The following PTPRM variants were observed in gnomAD, a reference collection of about 807,000 sequenced individuals.
The protein encoded by PTPRM is receptor-type tyrosine-protein phosphatase mu.
In PTPRM, 47 loss-of-function variants were observed where a neutral mutation model predicts 186.7. The observed-to-expected ratio is 0.25, with a 90% CI of 0.20 to 0.32. The LOEUF is 0.32. Ranked by LOEUF, PTPRM falls within the 10% of genes least tolerant of loss-of-function variation. The pLI is 1.00. For missense variants in PTPRM, 1,494 were observed against 1,865.0 expected, an observed-to-expected ratio of 0.80 and a Z score of 3.66; for synonymous variants, 668 against 674.9, an observed-to-expected ratio of 0.99 and a Z score of 0.16.
chr18:7,833,183 A>G (rs1488492484), intron 2 of PTPRM, among the ~76,000 whole-genome samples: 1 of 152,076 alleles, frequency 6.6e-6, no homozygotes, highest in Non-Finnish European at 1.5e-5. Context: ...TAAGGTTTGC[A>G]TTGAATCTGT....
At chr18:7,691,464 G>A (rs1286427632) in intron 1 of PTPRM, among the ~76,000 whole-genome samples, 1 of 152,152 alleles carries the variant, frequency 6.6e-6, no homozygotes, top group Non-Finnish European at 1.5e-5. Context: ...AGTGGAGTAT[G>A]AAAACTGACT....
rs936188183 is a variant in PTPRM, at chr18:7,706,622, A to C, written c.74-67527A>C. ...GTCTCAAAAAAAAAAAAAAAAAAAA[A>C]AAAAAAAACAACAAAATGTGCCTGT... is the stretch of plus-strand genomic sequence containing the variant. On this transcript the variant is annotated intron_variant, in intron 1 of 32. Transcript: ENST00000580170. Among the ~76,000 whole-genome samples, 5 of 150,028 alleles carry C rather than the reference A, an allele frequency of 3.3e-5. No homozygotes were observed. The East Asian group carries it at 7.8e-4, about 23-fold the overall frequency.
chr18:7,817,463 T>G (rs375466355), intron 2 of PTPRM, among the ~76,000 whole-genome samples: 1 of 152,226 alleles, frequency 6.6e-6, no homozygotes, highest in Non-Finnish European at 1.5e-5. Flanking sequence ...TTGGGGTTAT[T>G]ATTGTACTAC....
chr18:7,988,980 C>T (rs1180155713), intron 7 of PTPRM, among the ~76,000 whole-genome samples: 1 of 152,110 alleles, frequency 6.6e-6, no homozygotes, highest in African/African-American at 2.4e-5. Context: ...TGGGGAAAAT[C>T]ATCTATAGAG....
chr18:7,890,144 T>A (rs1206272901), intron 3 of PTPRM, among the ~76,000 whole-genome samples: 1 of 152,234 alleles, frequency 6.6e-6, no homozygotes, highest in Non-Finnish European at 1.5e-5. Context: ...ACTCAATTAA[T>A]GGCCAACTAC....
At chr18:7,940,589 T>C (rs1358124779) in intron 5 of PTPRM, among the ~76,000 whole-genome samples, 3 of 151,504 alleles carry the variant, frequency 2.0e-5, no homozygotes, top group Admixed American at 6.6e-5. Flanking sequence ...CAGCCAGGAG[T>C]CCACATGGTG....
At chr18:7,882,436 C>T (rs1428357388) in intron 2 of PTPRM, among the ~76,000 whole-genome samples, 2 of 152,014 alleles carry the variant, frequency 1.3e-5, no homozygotes, top group Non-Finnish European at 2.9e-5. Context: ...CAAATAACCC[C>T]ATAAACTAGA....
intron 20 of PTPRM, among the ~76,000 whole-genome samples, chr18:8,307,429 C>T (rs150438821): frequency 4.9e-4 from 75 of 152,316 alleles, no homozygotes; most frequent in African/African-American, 1.7e-3. Flanking sequence ...GGTGGATTCA[C>T]TTATCAGTGT....
chr18:7,755,014 C>A (rs1235364834), intron 1 of PTPRM: 1 of 152,250 alleles, frequency 6.6e-6, no homozygotes, highest in Non-Finnish European at 1.5e-5. Context: ...CTTCAGGCTC[C>A]TGCCGGAGCA....
intron 23 of PTPRM, chr18:8,366,991 G>T (rs1303880997): frequency 6.6e-6 from 1 of 152,272 alleles, no homozygotes; most frequent in East Asian, 1.9e-4. Flanking sequence ...GCTCCAACGG[G>T]CACCTCCAAA....
intron 7 of PTPRM, among the ~76,000 whole-genome samples, chr18:8,041,456 G>A (rs1410947793): frequency 2.5e-5 from 3 of 121,370 alleles, no homozygotes; most frequent in Non-Finnish European, 3.5e-5. Context: ...GATGCACCAT[G>A]TGTGACCAAA....
intron 7 of PTPRM, among the ~76,000 whole-genome samples, chr18:8,001,933 A>G (rs537402699): frequency 1.3e-5 from 2 of 152,196 alleles, no homozygotes; most frequent in East Asian, 1.9e-4. Context: ...TGTGTGTCAT[A>G]ATTGATGTTT....
At chr18:7,700,552 A>G (rs929202126) in intron 1 of PTPRM, among the ~76,000 whole-genome samples, 56 of 152,236 alleles carry the variant, frequency 3.7e-4, no homozygotes, top group Admixed American at 1.2e-3. Flanking sequence ...TATTCTAGGG[A>G]AACCCTGGGC....
intron 1 of PTPRM, among the ~76,000 whole-genome samples, chr18:7,606,480 A>T (rs949446772): frequency 6.6e-6 from 1 of 152,106 alleles, no homozygotes; most frequent in Non-Finnish European, 1.5e-5. Context: ...TAAAATCTGA[A>T]GTTAGCAGAG....
At chr18:8,178,856 A>G (rs1601035509) in intron 14 of PTPRM, among the ~76,000 whole-genome samples, 1 of 152,294 alleles carries the variant, frequency 6.6e-6, no homozygotes, top group Non-Finnish European at 1.5e-5. Flanking sequence ...TTAGGATCTC[A>G]GATAAAATGT....
At chr18:8,381,188 C>T (rs2095732913) in intron 29 of PTPRM, among the ~76,000 whole-genome samples, 1 of 151,950 alleles carries the variant, frequency 6.6e-6, no homozygotes, top group Non-Finnish European at 1.5e-5. Flanking sequence ...CAAGCATTAG[C>T]ACAGTGGTCC....
chr18:7,857,770 G>A (rs1248024353), intron 2 of PTPRM, among the ~76,000 whole-genome samples: 3 of 152,098 alleles, frequency 2.0e-5, no homozygotes, highest in Non-Finnish European at 4.4e-5. Flanking sequence ...CAACTTTTTC[G>A]ACATCAGTAG....
chr18:7,621,772 C>T (rs1348523880), intron 1 of PTPRM, among the ~76,000 whole-genome samples: 3 of 152,146 alleles, frequency 2.0e-5, no homozygotes, highest in Admixed American at 6.6e-5. Context: ...CATTTAAATT[C>T]CCTCCATGTC....
intron 14 of PTPRM, among the ~76,000 whole-genome samples, chr18:8,187,745 A>G (rs1342468496): frequency 6.6e-6 from 1 of 152,212 alleles, no homozygotes; most frequent in Non-Finnish European, 1.5e-5. Context: ...GAGGAATAGC[A>G]GTGACGGCAA....
Sources: gnomAD v4.1 joint callset for allele counts (sites outside exome capture counted in the v4.1 genomes callset) on GRCh38, gnomAD v4.1.1 for gene constraint, MANE v1.5 for transcripts, NCBI Gene and HGNC (gene_info 2026-07-23, HGNC 2026-07-21) for gene names.